The following NEB variants were observed in gnomAD, a reference collection of about 807,000 sequenced individuals.
The protein encoded by NEB is nebulin.
NEB carries 512 observed loss-of-function variants against 952.2 expected under a neutral mutation model. That is an observed-to-expected ratio of 0.54 (90% CI 0.50 to 0.58). The LOEUF (loss-of-function observed/expected upper bound fraction) is 0.58. Among genes scored for constraint, NEB ranks in the 20% least tolerant of loss-of-function variants. The probability of loss-of-function intolerance (pLI) is 0.00; values close to 1 mark genes in which losing one functional copy is unlikely to be tolerated. For missense variants in NEB, 8,428 were observed against 9,231.1 expected (o/e 0.91, Z 3.56); for synonymous variants, 2,900 against 3,149.8 (o/e 0.92, Z 2.66).
chr2:151,540,743 G>A lies in NEB; in HGVS notation c.20741C>T (p.Thr6914Ile), dbSNP rs1162956214. Residue 6914 changes from threonine (T) to isoleucine (I), a missense_variant, in exon 137 of 182, where the codon ACC (threonine) becomes ATC (isoleucine). Around this residue, in one of 11 missense-constraint regions of NEB, gnomAD observed 3,374 missense variants for 3,651.5 expected, o/e 0.92. Coordinates refer to ENST00000397345, the MANE Select transcript of NEB (RefSeq NM_001164508.2). ...GTCTTTAGCATGCTTCAAGGCTGTG[G>A]TCTGGTTTCCAGCGTGATGATGGGG... is the stretch of plus-strand genomic sequence containing the variant. ...ERPHHHAGNQ[T>I]TALKHAKDVK... The A allele has an allele frequency of 6.2e-7, 1 of 1,613,642 alleles. No individual in the cohort carries two copies. Among genetic ancestry groups the A allele is most frequent in the Admixed American group, 1.7e-5 (1 of 60,002 alleles).
chr2:151,560,530 G>A, intron 124 of NEB, 62 bp downstream of exon 124: 3 of 1,272,678 alleles, frequency 2.4e-6, no homozygotes, highest in East Asian at 2.5e-5. Flanking sequence ...AAAGATTCTT[G>A]GAGTGGAGAG....
intron 24 of NEB, 53 bp downstream of exon 24, chr2:151,690,674 A>T: frequency 7.7e-7 from 1 of 1,290,632 alleles, no homozygotes; most frequent in Non-Finnish European, 1.1e-6. Context: ...CTTACATTTT[A>T]AATGAGCAAA....
rs1443394808 is a variant in NEB, at chr2:151,531,898, TA to T, written c.21418-3del. ...TTCATAGTTTTTCCTGTATTTGATC[TA>T]AATTGTGGAAGAGAAGAAAGAGCTC... On this transcript the variant is annotated splice_region_variant and splice_polypyrimidine_tract_variant and intron_variant, in intron 143 of 181. Transcript: ENST00000397345. 6.5e-7 allele frequency: 1 copy of T among 1,534,054 alleles called. No homozygotes were observed. The highest frequency in any genetic ancestry group is 8.8e-7 in the Non-Finnish European group (1 of 1,131,580).
intron 54 of NEB, among the ~76,000 whole-genome samples, chr2:151,648,522 A>C (rs1242475573): frequency 1.3e-5 from 2 of 152,224 alleles, no homozygotes; most frequent in Admixed American, 1.3e-4. Context: ...CCTTCAGTGC[A>C]TCCATCACTG....
intron 171 of NEB, 60 bp from the exon 172 acceptor site, chr2:151,497,093 G>A: frequency 6.6e-7 from 1 of 1,522,478 alleles, no homozygotes. Context: ...TTGTTGAAAG[G>A]TTTTAAGGGT....
At chr2:151,500,478 C>T (rs2063590833) in intron 168 of NEB, among the ~76,000 whole-genome samples, 1 of 150,386 alleles carries the variant, frequency 6.6e-6, no homozygotes, top group African/African-American at 2.4e-5. Context: ...TAAAAGATAA[C>T]ATTAAATATA....
At chr2:151,547,765 G>C (rs756517766) in intron 131 of NEB, 27 bp from the exon 132 acceptor site, 4 of 1,553,692 alleles carry the variant, frequency 2.6e-6, no homozygotes, top group Non-Finnish European at 3.5e-6. Flanking sequence ...ATCATTACAG[G>C]CATTTAGTAG....
chr2:151,659,168 T>C lies in NEB; in HGVS notation c.5972A>G (p.His1991Arg), dbSNP rs750070644. The C allele has an allele frequency of 2.5e-6, 4 of 1,601,496 alleles. No homozygotes were observed. Among genetic ancestry groups the C allele is most frequent in the South Asian group, 2.2e-5 (2 of 90,598 alleles). Reference sequence around the variant, plus strand: ...AGCCTCCCATGCTTGTTTGTAGAGATGCTAGGAAAAAAACAGTGTAAATTA... The same window carrying C: ...AGCCTCCCATGCTTGTTTGTAGAGACGCTAGGAAAAAAACAGTGTAAATTA... Reference protein sequence around the residue: ...AQNNAKIMNEHLYKQAWEADK... With the variant: ...AQNNAKIMNERLYKQAWEADK... Residue 1991 changes from histidine to arginine, a missense_variant and splice_region_variant, in exon 47 of 182, where the codon CAT becomes CGT. Coordinates refer to ENST00000397345, the MANE Select transcript of NEB (RefSeq NM_001164508.2).
chr2:151,717,274 TAG>T (rs1577534598), intron 10 of NEB, 140 bp downstream of exon 10: 2 of 683,608 alleles, frequency 2.9e-6, no homozygotes, highest in East Asian at 2.7e-5. Flanking sequence ...GCTTTTGCTG[TAG>T]AGTCTTTGGG....
chr2:151,671,518 T>C (rs2099291614), intron 37 of NEB: 1 of 350,938 alleles, frequency 2.8e-6, no homozygotes, highest in Non-Finnish European at 5.2e-6. Flanking sequence ...AATGGTTGTT[T>C]ATCTTAAAGC....
In NEB at chr2:151,609,846, A is replaced by T. The variant is rs1442435204; in HGVS notation, c.12293T>A (p.Ile4098Asn). 3.7e-6 allele frequency: 6 copies of T among 1,603,930 alleles called. No individual in the cohort carries two copies. The highest frequency in any genetic ancestry group is 1.7e-5 in the Admixed American group (1 of 59,146). Residue 4098 changes from isoleucine (I) to asparagine (N), a missense_variant, in exon 81 of 182, where the codon ATT becomes AAT. Coordinates refer to ENST00000397345, the MANE Select transcript of NEB (RefSeq NM_001164508.2). Reference protein sequence around the residue: ...EWTCMPDQNDIIQAKKAYDLQ... With the variant: ...EWTCMPDQNDNIQAKKAYDLQ... The stretch of plus-strand genomic sequence containing the variant: ...GTCATAGGCCTTTTTTGCTTGGATA[A>T]TGTCGTTTTGATCCGGCATGCATGT...
chr2:151,701,717 T>G (rs1286745695), intron 13 of NEB, among the ~76,000 whole-genome samples: 2 of 150,782 alleles, frequency 1.3e-5, no homozygotes, highest in Non-Finnish European at 3.0e-5. Context: ...TGATATCCCC[T>G]TTATCATTTT....
chr2:151,519,024 C>T lies in NEB; in HGVS notation c.22636G>A (p.Asp7546Asn). The T allele has an allele frequency of 6.2e-7, 1 of 1,613,724 alleles. No homozygotes were observed. Among genetic ancestry groups the T allele is most frequent in the Admixed American group, 1.7e-5 (1 of 59,994 alleles). Reference sequence around the variant, plus strand: ...TTCATGATCAGAGACTCCTTCATGTCAGTCACGGGTTTGTGAAGTTTCTTC... The same window carrying T: ...TTCATGATCAGAGACTCCTTCATGTTAGTCACGGGTTTGTGAAGTTTCTTC... Reference protein sequence around the residue: ...DLKKLHKPVTDMKESLIMNHV... With the variant: ...DLKKLHKPVTNMKESLIMNHV... Residue 7546 changes from aspartate to asparagine, a missense_variant, in exon 155 of 182, where the codon GAC becomes AAC. By Grantham distance (23) the Asp-to-Asn change is conservative (BLOSUM62 1). Transcript: ENST00000397345.
At chr2:151,530,827 T>C (rs1005960368) in intron 145 of NEB, 167 bp downstream of exon 145, 9 of 571,784 alleles carry the variant, frequency 1.6e-5, no homozygotes, top group African/African-American at 3.7e-5. Flanking sequence ...TGTTCAGCTG[T>C]GTCCAGTCAA....
intron 161 of NEB, among the ~76,000 whole-genome samples, chr2:151,511,950 T>G (rs963064305): frequency 6.6e-6 from 1 of 152,042 alleles, no homozygotes; most frequent in South Asian, 2.1e-4. Flanking sequence ...AGTTGTACCA[T>G]GTTCTTCAGT....
chr2:151,665,602 GT>G (rs1174509062), intron 41 of NEB, 63 bp from the exon 42 acceptor site: 1 of 1,357,458 alleles, frequency 7.4e-7, no homozygotes, highest in African/African-American at 1.5e-5. Context: ...CTTTGGCTAT[GT>G]GATTTACTTA....
chr2:151,665,091 C>T (rs994015298), intron 42 of NEB, among the ~76,000 whole-genome samples: 1 of 152,130 alleles, frequency 6.6e-6, no homozygotes, highest in Non-Finnish European at 1.5e-5. Context: ...TTGCCCCCAC[C>T]GCACAACCAT....
intron 24 of NEB, among the ~76,000 whole-genome samples, chr2:151,688,824 T>G (rs927237765): frequency 1.3e-5 from 2 of 152,224 alleles, no homozygotes; most frequent in African/African-American, 4.8e-5. Flanking sequence ...CTGTATGTTT[T>G]CACCCTTCAT....
At chr2:151,496,076 T>G (rs16830106) in intron 173 of NEB, among the ~76,000 whole-genome samples, 200 bp downstream of exon 173, 2,288 of 152,264 alleles carry the variant, frequency 0.015, 81 homozygotes, top group East Asian at 0.14. Flanking sequence ...CTTCTTGATA[T>G]TAGAACTTTA....
Sources: gnomAD v4.1 joint callset for allele counts (sites outside exome capture counted in the v4.1 genomes callset) on GRCh38, gnomAD v4.1.1 for gene constraint, gnomAD v4.1.1 regional missense constraint, MANE v1.5 for transcripts, NCBI Gene and HGNC (gene_info 2026-07-23, HGNC 2026-07-21) for gene names.